SLC5A10: variants seen among roughly 807,000 people sequenced by gnomAD.
SLC5A10 encodes the protein solute carrier family 5 member 10, also known as sodium/mannose cotransporter SLC5A10.
A neutral mutation model predicts 68.9 loss-of-function variants in SLC5A10; 55 were observed. The observed-to-expected ratio is 0.80, with a 90% CI of 0.64 to 1.00. The LOEUF (loss-of-function observed/expected upper bound fraction) is 1.00. SLC5A10 is among the 50% of genes least tolerant of loss of function. The probability of loss-of-function intolerance (pLI) is 0.00; values close to 1 mark genes in which losing one functional copy is unlikely to be tolerated. For synonymous variants in SLC5A10, 344 were observed against 344.8 expected (o/e 1.00, Z 0.02); for missense variants, 732 against 819.3 (o/e 0.89, Z 1.30).
At chr17:19,020,088 T>C in intron 13 of SLC5A10, 67 bp from the exon 14 acceptor site, 1 of 1,502,460 alleles carries the variant, frequency 6.7e-7, no homozygotes, top group Non-Finnish European at 9.1e-7. Flanking sequence ...CAACCTTTGA[T>C]CCTGTCTGGG....
chr17:18,964,101 A>G (rs2042664933), intron 5 of SLC5A10, among the ~76,000 whole-genome samples: 2 of 151,558 alleles, frequency 1.3e-5, no homozygotes, highest in South Asian at 4.2e-4. Context: ...CACTCTCTCC[A>G]TCTTCACCCC....
chr17:18,993,994 C>T lies in SLC5A10; in HGVS notation c.982+17005C>T, dbSNP rs2043499316. On this transcript the variant is annotated intron_variant, in intron 9 of 14. Coordinates refer to ENST00000395645, the MANE Select transcript of SLC5A10 (RefSeq NM_001042450.4). ...CCAACCCAAGTCCCATCCCACCAGA[C>T]CCACAGCTCCCTCTGGGGTGAACAG... Among the ~76,000 whole-genome samples, 3 of 152,228 alleles carry T rather than the reference C, an allele frequency of 2.0e-5. No individual in the cohort carries two copies. In the South Asian group the frequency reaches 6.2e-4, roughly 31 times the overall value.
rs771661062 is a variant in SLC5A10, at chr17:19,020,475, G to A, written c.*44G>A. On this transcript the variant is annotated 3_prime_UTR_variant, in exon 15 of 15. Coordinates refer to ENST00000395645, the MANE Select transcript of SLC5A10 (RefSeq NM_001042450.4). ...AAAGGCAGGAGCTCTGAGTCCTCAGGTCCACCCATTTCCCTCATGGGGATC... is the reference window on the plus strand; with the variant it reads ...AAAGGCAGGAGCTCTGAGTCCTCAGATCCACCCATTTCCCTCATGGGGATC... The A allele has an allele frequency of 8.8e-6, 14 of 1,585,352 alleles. No individual in the cohort carries two copies. The Admixed American group carries it at 2.3e-4, about 27-fold the overall frequency.
At position 18,970,981 on chromosome 17, in the gene SLC5A10, A is replaced by G. The variant is rs2152001385; in HGVS notation, c.641-32A>G. Reference sequence around the variant, plus strand: ...AGGGAGTCAGGGCCCCGCAACCACCAAACTGTCCCTGTTCCACCCTGACCC... The same window carrying G: ...AGGGAGTCAGGGCCCCGCAACCACCGAACTGTCCCTGTTCCACCCTGACCC... On this transcript the variant is annotated intron_variant, in intron 7 of 14. Transcript: ENST00000395645. 3 of 1,609,132 alleles carry G rather than the reference A, an allele frequency of 1.9e-6. No individual in the cohort carries two copies. The South Asian group carries it at 3.3e-5, about 18-fold the overall frequency.
chr17:18,961,175 A>G (rs759796435), intron 5 of SLC5A10, among the ~76,000 whole-genome samples: 5 of 152,124 alleles, frequency 3.3e-5, no homozygotes, highest in Admixed American at 6.5e-5. Flanking sequence ...AGAAGCATAG[A>G]GCTCATCTTG....
intron 9 of SLC5A10, chr17:18,979,440 C>T: frequency 7.2e-7 from 1 of 1,388,692 alleles, no homozygotes; most frequent in Non-Finnish European, 9.8e-7. Context: ...CACACCTCAG[C>T]AGCCTTGGGA....
chr17:18,962,315 G>C (rs1283931863), intron 5 of SLC5A10, among the ~76,000 whole-genome samples: 2 of 152,106 alleles, frequency 1.3e-5, no homozygotes, highest in Non-Finnish European at 2.9e-5. Context: ...TGGGGGATGG[G>C]AGCAAATGAC....
chr17:18,984,257 G>A (rs528593268), intron 9 of SLC5A10, among the ~76,000 whole-genome samples: 247 of 149,234 alleles, frequency 1.7e-3, no homozygotes, highest in African/African-American at 5.9e-3. Context: ...CAGGATAATG[G>A]CACGAACCCG....
chr17:18,969,022 AG>A (rs1293061521), intron 5 of SLC5A10, 29 bp from the exon 6 acceptor site: 1 of 1,593,580 alleles, frequency 6.3e-7, no homozygotes, highest in Non-Finnish European at 8.5e-7. Flanking sequence ...TGGGAATAAC[AG>A]TCCCACACAA....
chr17:19,002,728 G>T (rs116139938), intron 9 of SLC5A10, among the ~76,000 whole-genome samples: 7,875 of 152,288 alleles, frequency 0.052, 271 homozygotes, highest in African/African-American at 0.089. Context: ...AGCTGTCTCT[G>T]CAAATGGCAA....
intron 9 of SLC5A10, chr17:18,988,243 T>C (rs1331680404): frequency 1.2e-6 from 2 of 1,606,288 alleles, no homozygotes; most frequent in East Asian, 4.5e-5. Context: ...AGGAGCCTGC[T>C]CACCTTGAGG....
Position 18,968,564 on chromosome 17 carries a change from C to T in SLC5A10, c.454-488C>T, listed in dbSNP as rs189459921. Among the ~76,000 whole-genome samples, 17 of 152,314 alleles carry T rather than the reference C, an allele frequency of 1.1e-4. No homozygotes were observed. The East Asian group carries it at 2.5e-3, about 22-fold the overall frequency. ...GCCACTATTGGCTTCAGTTCCAAACCCACTGGGGGGTGGGGGCAGGAAGCA... is the reference window on the plus strand; with the variant it reads ...GCCACTATTGGCTTCAGTTCCAAACTCACTGGGGGGTGGGGGCAGGAAGCA... On this transcript the variant is annotated intron_variant, in intron 5 of 14. Transcript: ENST00000395645. This position sits in a 1 kb window ranked among gnomAD's most constrained non-coding sequence, Gnocchi z 4.1.
At chr17:18,977,223 G>A (rs2043002600) in intron 9 of SLC5A10, 2 of 620,584 alleles carry the variant, frequency 3.2e-6, no homozygotes, top group Non-Finnish European at 5.5e-6. Flanking sequence ...GGCTGTAAAT[G>A]AACGTCCCTG....
In SLC5A10 at chr17:19,018,258, C is replaced by G. The variant is rs745389834; in HGVS notation, c.1242-1165C>G. 4 of 152,352 alleles carry G rather than the reference C, an allele frequency of 2.6e-5. No homozygotes were observed. Among genetic ancestry groups the G allele is most frequent in the Non-Finnish European group, 5.9e-5 (4 of 68,144 alleles). 9.4% of individuals were successfully genotyped at this position (152,352 alleles called of 1,614,324 possible). On this transcript the variant is annotated intron_variant, in intron 11 of 14. Coordinates refer to ENST00000395645, the MANE Select transcript of SLC5A10 (RefSeq NM_001042450.4). This position sits in a 1 kb window ranked among gnomAD's most constrained non-coding sequence, Gnocchi z 4.2. ...TTCCAGCGGGTCACCCACCACCCAC[C>G]TTGGGGGTGAGGAATGCCAACTGAC...
chr17:18,961,507 G>T (rs561175316), intron 5 of SLC5A10, among the ~76,000 whole-genome samples: 1 of 152,326 alleles, frequency 6.6e-6, no homozygotes, highest in African/African-American at 2.4e-5. Context: ...CAGGACCACC[G>T]TGTGAGGGCT....
intron 9 of SLC5A10, among the ~76,000 whole-genome samples, chr17:18,995,307 C>A (rs147749469): frequency 1.3e-5 from 2 of 151,904 alleles, no homozygotes; most frequent in Non-Finnish European, 2.9e-5. Flanking sequence ...GCCAACAAAT[C>A]GAAATTCAAG....
intron 1 of SLC5A10, chr17:18,953,953 G>C (rs950037977): frequency 6.6e-6 from 1 of 152,226 alleles, no homozygotes; most frequent in Admixed American, 6.5e-5. Context: ...TAACTCACAA[G>C]TAGCCCAGTG....
intron 9 of SLC5A10, among the ~76,000 whole-genome samples, chr17:18,998,808 C>T (rs1378613753): frequency 2.0e-5 from 3 of 152,250 alleles, no homozygotes; most frequent in Admixed American, 2.0e-4. Context: ...AAGGTGTCAA[C>T]TGGGCCACCT....
chr17:18,956,770 C>A (rs2042513726), intron 1 of SLC5A10, among the ~76,000 whole-genome samples: 1 of 152,180 alleles, frequency 6.6e-6, no homozygotes, highest in Admixed American at 6.6e-5. Context: ...GCCACCACGC[C>A]TGGATGATTT....
Sources: allele counts gnomAD v4.1 joint callset (sites outside exome capture counted in the v4.1 genomes callset), GRCh38; gene constraint gnomAD v4.1.1; non-coding constraint Gnocchi (gnomAD v3.1); transcripts MANE v1.5; gene names NCBI Gene and HGNC (gene_info 2026-07-23, HGNC 2026-07-21).